The following ARHGAP24 variants were observed in gnomAD, a reference collection of about 807,000 sequenced individuals.
ARHGAP24 encodes rho GTPase-activating protein 24.
ARHGAP24 carries 50 observed loss-of-function variants against 76.4 expected under a neutral mutation model. The ratio of observed to expected loss-of-function variants is 0.65; its 90% CI spans 0.52 to 0.83. The LOEUF is 0.83. Among genes scored for constraint, ARHGAP24 ranks in the 40% least tolerant of loss-of-function variants. The probability of loss-of-function intolerance (pLI) is 0.00; values close to 1 mark genes in which losing one functional copy is unlikely to be tolerated. For synonymous variants in ARHGAP24, 345 were observed against 323.3 expected, an observed-to-expected ratio of 1.07 and a Z score of -0.72; for missense variants, 930 against 914.2, an observed-to-expected ratio of 1.02 and a Z score of -0.22.
rs1220392800 is a variant in ARHGAP24 at position 85,665,350 on chromosome 4, T to A, written c.181-56535T>A. 3.3e-5 allele frequency among the ~76,000 whole-genome samples: 5 copies of A among 152,188 alleles called. No individual in the cohort carries two copies. In the East Asian group the frequency reaches 9.6e-4, roughly 29 times the overall value. On this transcript the variant is annotated intron_variant, in intron 2 of 9. Transcript: ENST00000395184. ...TAGGATTGCAACCCCTGCCTTTTTT[T>A]GTTTTCCATCTGCTTGGTAGATCTT...
At chr4:85,601,533 G>A (rs1280190399) in intron 2 of ARHGAP24, among the ~76,000 whole-genome samples, 3 of 152,038 alleles carry the variant, frequency 2.0e-5, no homozygotes, top group Admixed American at 2.0e-4. Context: ...TGGCTTCTAC[G>A]CGCTAGATGC....
chr4:85,604,423 A>T (rs886436947), intron 2 of ARHGAP24: 3 of 152,236 alleles, frequency 2.0e-5, no homozygotes, highest in Admixed American at 2.0e-4. Flanking sequence ...ACATGATTGA[A>T]ATTAACTTTG....
At position 85,882,258 on chromosome 4, in the gene ARHGAP24, T is replaced by G. The variant is rs190350389; in HGVS notation, c.269-41390T>G. On this transcript the variant is annotated intron_variant, in intron 3 of 9. Coordinates refer to ENST00000395184, the MANE Select transcript of ARHGAP24 (RefSeq NM_001025616.3). ...GGGAAAACATTAAGTTTATTGATTC[T>G]CAGTTTCCTCTTCTTTAAAATTTGC... Among the ~76,000 whole-genome samples, 82 of 152,316 alleles carry G rather than the reference T, an allele frequency of 5.4e-4. No individual in the cohort carries two copies. In the East Asian group the frequency reaches 6.0e-3, roughly 11 times the overall value.
intron 3 of ARHGAP24, among the ~76,000 whole-genome samples, chr4:85,760,013 G>T (rs1310451653): frequency 6.6e-6 from 1 of 151,694 alleles, no homozygotes; most frequent in East Asian, 1.9e-4. Flanking sequence ...GTGGGGTTTT[G>T]GTTTCATTTG....
chr4:85,754,425 CA>C (rs1334524029), intron 3 of ARHGAP24, among the ~76,000 whole-genome samples: 1 of 152,122 alleles, frequency 6.6e-6, no homozygotes, highest in Non-Finnish European at 1.5e-5. Flanking sequence ...ACTGAAATTT[CA>C]ATTAGTAACT....
chr4:85,585,522 C>T (rs192486478), intron 2 of ARHGAP24, among the ~76,000 whole-genome samples: 251 of 152,264 alleles, frequency 1.6e-3, no homozygotes, highest in Non-Finnish European at 2.6e-3. Flanking sequence ...AACTCTATTT[C>T]CATTTAAGGG....
chr4:85,487,217 A>AT (rs1182356309), intron 1 of ARHGAP24, among the ~76,000 whole-genome samples: 1 of 133,800 alleles, frequency 7.5e-6, no homozygotes, highest in East Asian at 2.0e-4. Flanking sequence ...TATATATATA[A>AT]AAATATATAT....
At chr4:85,690,642 T>C (rs1194702995) in intron 2 of ARHGAP24, among the ~76,000 whole-genome samples, 1 of 152,054 alleles carries the variant, frequency 6.6e-6, no homozygotes, top group Non-Finnish European at 1.5e-5. Context: ...TGTATTTCTA[T>C]AGGTTTAGTT....
chr4:85,831,900 TA>T (rs57600561), intron 3 of ARHGAP24, among the ~76,000 whole-genome samples: 67,208 of 137,258 alleles, frequency 0.49, 16,063 homozygotes, highest in East Asian at 0.67. Context: ...AGACTCTATC[TA>T]AAAAAAAAAA....
intron 9 of ARHGAP24, among the ~76,000 whole-genome samples, chr4:85,999,307 T>A (rs1740866610): frequency 2.0e-5 from 3 of 152,232 alleles, no homozygotes; most frequent in African/African-American, 7.2e-5. Context: ...TGTGGTCATA[T>A]GTTTAAAATA....
At chr4:85,722,256 T>C in intron 3 of ARHGAP24, 1 of 368,554 alleles carries the variant, frequency 2.7e-6, no homozygotes, top group South Asian at 2.6e-5. Flanking sequence ...CTATTGGAGA[T>C]GAATTTGATT....
chr4:85,549,932 G>A (rs1211619572), intron 1 of ARHGAP24, among the ~76,000 whole-genome samples: 1 of 152,180 alleles, frequency 6.6e-6, no homozygotes, highest in East Asian at 1.9e-4. Context: ...CAAAGGGCAT[G>A]ATCTCCTTTT....
chr4:85,652,523 G>C (rs1311905484), intron 2 of ARHGAP24, among the ~76,000 whole-genome samples: 1 of 152,134 alleles, frequency 6.6e-6, no homozygotes. Flanking sequence ...TTTTTAAAAG[G>C]TTAGCAAAAT....
At chr4:85,895,440 A>G (rs1257207758) in intron 3 of ARHGAP24, among the ~76,000 whole-genome samples, 2 of 151,972 alleles carry the variant, frequency 1.3e-5, no homozygotes, top group African/African-American at 2.4e-5. Flanking sequence ...CTAGCAGGAC[A>G]CTCATGGAAG....
chr4:85,917,958 A>C (rs1735515425), intron 3 of ARHGAP24, among the ~76,000 whole-genome samples: 1 of 152,120 alleles, frequency 6.6e-6, no homozygotes, highest in Non-Finnish European at 1.5e-5. Flanking sequence ...GTCACTAAGA[A>C]AGTCCTAGTT....
At chr4:85,785,629 T>C (rs989143746) in intron 3 of ARHGAP24, among the ~76,000 whole-genome samples, 2 of 152,184 alleles carry the variant, frequency 1.3e-5, no homozygotes, top group African/African-American at 4.8e-5. Flanking sequence ...CTTTATTTAT[T>C]CTTAGTGTCA....
At chr4:85,777,224 A>C (rs1727340668) in intron 3 of ARHGAP24, among the ~76,000 whole-genome samples, 1 of 152,230 alleles carries the variant, frequency 6.6e-6, no homozygotes, top group Admixed American at 6.5e-5. Context: ...CATTTTAAAT[A>C]TTAATTACAT....
In ARHGAP24 at chr4:85,809,350, A is replaced by T. The variant is rs188029117; in HGVS notation, c.268+87378A>T. Reference sequence around the variant, plus strand: ...TATTATTGTAAAAATTAAGAAAAGAAATATACATACCCATCTGGTTATATA... The same window carrying T: ...TATTATTGTAAAAATTAAGAAAAGATATATACATACCCATCTGGTTATATA... On this transcript the variant is annotated intron_variant, in intron 3 of 9. Coordinates refer to ENST00000395184, the MANE Select transcript of ARHGAP24 (RefSeq NM_001025616.3). 3.1e-3 allele frequency among the ~76,000 whole-genome samples: 471 copies of T among 152,268 alleles called. 1 individual carries two copies. The highest frequency in any genetic ancestry group is 6.3e-3 in the Admixed American group (96 of 15,284).
At chr4:85,807,118 CTAT>C (rs1728824115) in intron 3 of ARHGAP24, among the ~76,000 whole-genome samples, 1 of 151,970 alleles carries the variant, frequency 6.6e-6, no homozygotes. Context: ...TTTTTTAAAA[CTAT>C]TATTATACTT....
Sources: gnomAD v4.1 joint callset for allele counts (sites outside exome capture counted in the v4.1 genomes callset) on GRCh38, gnomAD v4.1.1 for gene constraint, MANE v1.5 for transcripts, NCBI Gene and HGNC (gene_info 2026-07-23, HGNC 2026-07-21) for gene names.